The following SLC25A48 variants were observed in gnomAD, a reference collection of about 807,000 sequenced individuals.
The protein encoded by SLC25A48 is CTC-321K16.1.
Under a neutral mutation model 32.2 loss-of-function variants are expected in SLC25A48, and 29 were observed. The observed-to-expected ratio is 0.90, with a 90% CI of 0.67 to 1.23. SLC25A48 has a LOEUF of 1.23. Among genes scored for constraint, SLC25A48 ranks in the 50% most tolerant of loss-of-function variants. The probability of loss-of-function intolerance (pLI) is 0.00; values close to 1 mark genes in which losing one functional copy is unlikely to be tolerated. For synonymous variants in SLC25A48, 164 were observed against 172.3 expected (o/e 0.95, Z 0.38); for missense variants, 399 against 422.7 (o/e 0.94, Z 0.49).
At position 135,816,626 on chromosome 5, in the gene SLC25A48, C is replaced by A. The variant is rs146224044; in HGVS notation, c.-117+3700C>A. Reference sequence around the variant, plus strand: ...TAGTGTAGTTTCTGGCACAGAGTAACCACTCAAATAAATGAGACTGTTAAA... The same window carrying A: ...TAGTGTAGTTTCTGGCACAGAGTAAACACTCAAATAAATGAGACTGTTAAA... On this transcript the variant is annotated intron_variant, in intron 4 of 10. Transcript: ENST00000646290. 4.1e-4 allele frequency among the ~76,000 whole-genome samples: 63 copies of A among 152,224 alleles called. No individual in the cohort carries two copies. The East Asian group carries it at 0.011, about 27-fold the overall frequency.
intron 3 of SLC25A48, among the ~76,000 whole-genome samples, chr5:135,692,436 C>G (rs1174254774): frequency 6.6e-6 from 1 of 152,052 alleles, no homozygotes. Context: ...AATGTGCTGC[C>G]CTGAGAATGG....
intron 3 of SLC25A48, among the ~76,000 whole-genome samples, chr5:135,794,739 G>C (rs1345435375): frequency 6.6e-6 from 1 of 151,396 alleles, no homozygotes; most frequent in Non-Finnish European, 1.5e-5. Context: ...CACCCCTCCT[G>C]TGATATTGTT....
chr5:135,660,074 G>A (rs115504382), intron 3 of SLC25A48, among the ~76,000 whole-genome samples: 1 of 152,098 alleles, frequency 6.6e-6, no homozygotes, highest in African/African-American at 2.4e-5. Flanking sequence ...GCCTTTAATT[G>A]TGCATACATA....
At chr5:135,774,748 C>T (rs116749085) in intron 3 of SLC25A48, among the ~76,000 whole-genome samples, 45,746 of 151,104 alleles carry the variant, frequency 0.3, 7,043 homozygotes, top group East Asian at 0.46. Context: ...GAGTGTACAC[C>T]CCCCCCGTGA....
chr5:135,746,994 G>T (rs55999148), intron 3 of SLC25A48, among the ~76,000 whole-genome samples: 56,637 of 131,060 alleles, frequency 0.43, 12,672 homozygotes, highest in Non-Finnish European at 0.56. Context: ...AGTATTTTTT[G>T]TTGTTGTTTT....
At chr5:135,845,905 C>A (rs555185665) in intron 2 of SLC25A48, among the ~76,000 whole-genome samples, 2 of 152,162 alleles carry the variant, frequency 1.3e-5, no homozygotes, top group Non-Finnish European at 2.9e-5. Context: ...CTGGCTGGTG[C>A]CTATGTCTGA....
chr5:135,738,909 C>T (rs1755440245), intron 3 of SLC25A48, among the ~76,000 whole-genome samples: 1 of 152,158 alleles, frequency 6.6e-6, no homozygotes, highest in Non-Finnish European at 1.5e-5. Context: ...TGGCAAAACT[C>T]TGTCTCTACT....
At chr5:135,865,937 C>T (rs1050376690) in intron 4 of SLC25A48, among the ~76,000 whole-genome samples, 1 of 152,010 alleles carries the variant, frequency 6.6e-6, no homozygotes, top group African/African-American at 2.4e-5. Context: ...GTGATAGTAC[C>T]CACACATATG....
rs55911526 is a variant in SLC25A48, at chr5:135,886,637, A to ATATATATATAT, written c.*8-1395_*8-1394insTATATATATAT. On this transcript the variant is annotated intron_variant, in intron 7 of 7. Coordinates refer to ENST00000681962, the MANE Select transcript of SLC25A48 (RefSeq NM_001349336.2). ...TATATATATATATATATATATATAT[A>ATATATATATAT]AAATATATATATGTGTGTGTGTGTG... 5.7e-4 allele frequency among the ~76,000 whole-genome samples: 22 copies of ATATATATATAT among 38,564 alleles called. 2 individuals carry two copies. The highest frequency in any genetic ancestry group is 8.6e-4 in the South Asian group (1 of 1,158). The allele number at this position is 38,564 out of a possible 152,430, so 25.3% of individuals were successfully genotyped here. A position where few individuals can be genotyped will look rare whatever the true frequency, so the allele number is the denominator to read the frequency against.
intron 3 of SLC25A48, among the ~76,000 whole-genome samples, chr5:135,709,875 C>A (rs1415175522): frequency 6.6e-6 from 1 of 152,168 alleles, no homozygotes; most frequent in Admixed American, 6.5e-5. Flanking sequence ...TCCTCAACTG[C>A]ACATCTGTTC....
At chr5:135,724,826 T>A (rs1755050885) in intron 3 of SLC25A48, among the ~76,000 whole-genome samples, 1 of 152,234 alleles carries the variant, frequency 6.6e-6, no homozygotes, top group Admixed American at 6.5e-5. Context: ...GGTGCCATCA[T>A]GTAACCAGAC....
rs1759088238 is a variant in SLC25A48, at chr5:135,842,456, C to T, written c.87C>T (p.Val29=). The stretch of plus-strand genomic sequence containing the variant: ...TCGTTGGCCACCCTCTGGACACAGT[C>T]AAGGTACAGTAGCCATGTTTCCCAT... ...SVIVGHPLDT[V]KTRLQAGVGY... Residue 29 remains valine, a synonymous_variant, in exon 2 of 8, where the codon GTC becomes GTT. Transcript: ENST00000681962. 2 of 1,613,498 alleles carry T rather than the reference C, an allele frequency of 1.2e-6. No individual in the cohort carries two copies. The highest frequency in any genetic ancestry group is 1.7e-5 in the Admixed American group (1 of 60,010).
At chr5:135,774,962 A>G (rs1756510328) in intron 3 of SLC25A48, among the ~76,000 whole-genome samples, 1 of 151,706 alleles carries the variant, frequency 6.6e-6, no homozygotes, top group African/African-American at 2.4e-5. Flanking sequence ...AGTATCATAG[A>G]GGTTGTACAC....
chr5:135,861,415 C>T (rs1431728360), intron 4 of SLC25A48, among the ~76,000 whole-genome samples: 5 of 152,088 alleles, frequency 3.3e-5, no homozygotes, highest in African/African-American at 1.2e-4. Flanking sequence ...TCTACTTCCA[C>T]TGAACCCAAA....
chr5:135,845,942 G>A (rs1759374379), intron 2 of SLC25A48, among the ~76,000 whole-genome samples: 1 of 152,150 alleles, frequency 6.6e-6, no homozygotes, highest in Non-Finnish European at 1.5e-5. Flanking sequence ...TTTCTAGTCA[G>A]GGCTTGGCTG....
chr5:135,793,050 A>G (rs1425018770), intron 3 of SLC25A48, among the ~76,000 whole-genome samples: 1 of 151,312 alleles, frequency 6.6e-6, no homozygotes, highest in Non-Finnish European at 1.5e-5. Context: ...CCAGGTGGGT[A>G]CACCCTGGGA....
chr5:135,699,410 A>AG (rs1754338941), intron 3 of SLC25A48, among the ~76,000 whole-genome samples: 1 of 151,842 alleles, frequency 6.6e-6, no homozygotes, highest in Non-Finnish European at 1.5e-5. Flanking sequence ...CTGGGAAAAA[A>AG]AAAAAGCCAG....
At chr5:135,689,042 A>G (rs550029310) in intron 3 of SLC25A48, among the ~76,000 whole-genome samples, 2 of 151,588 alleles carry the variant, frequency 1.3e-5, no homozygotes, top group Non-Finnish European at 2.9e-5. Flanking sequence ...AGATTAATTA[A>G]TAAGATCAAG....
intron 1 of SLC25A48, among the ~76,000 whole-genome samples, chr5:135,614,041 ATAT>A (rs1448131892): frequency 7.1e-4 from 108 of 152,272 alleles, no homozygotes; most frequent in African/African-American, 2.6e-3. Context: ...CAGAATGGTC[ATAT>A]TAATAATATT....
Sources: gnomAD v4.1 joint callset for allele counts (sites outside exome capture counted in the v4.1 genomes callset) on GRCh38, gnomAD v4.1.1 for gene constraint, MANE v1.5 for transcripts, NCBI Gene and HGNC (gene_info 2026-07-23, HGNC 2026-07-21) for gene names.